CNTN4: variants seen among roughly 807,000 people sequenced by gnomAD.
The protein encoded by CNTN4 is contactin-4.
In CNTN4, 77 loss-of-function variants were observed where a neutral mutation model predicts 122.5. That is an observed-to-expected ratio of 0.63 (90% confidence interval 0.52 to 0.76). CNTN4 has a LOEUF of 0.76. CNTN4 is among the 30% of genes least tolerant of loss of function. CNTN4 has a pLI of 0.00. For missense variants in CNTN4, 1,256 were observed against 1,259.1 expected, an observed-to-expected ratio of 1.00 and a Z score of 0.04; for synonymous variants, 512 against 447.0, an observed-to-expected ratio of 1.15 and a Z score of -1.83.
At chr3:2,251,776 T>C (rs1353104174) in intron 2 of CNTN4, among the ~76,000 whole-genome samples, 1 of 151,914 alleles carries the variant, frequency 6.6e-6, no homozygotes, top group African/African-American at 2.4e-5. Flanking sequence ...TTTTTTTCTG[T>C]ACATTACACA....
In CNTN4 at chr3:2,830,673, T is replaced by A. The variant is rs2093085059; in HGVS notation, c.454+11092T>A. ...TCAACAACATGAATCTGGCTGAGCG[T>A]TTCATAAATAATCCAGTGGACATTC... is the stretch of plus-strand genomic sequence containing the variant. On this transcript the variant is annotated intron_variant, in intron 7 of 24. Coordinates refer to ENST00000418658, the MANE Select transcript of CNTN4 (RefSeq NM_175607.3). Among the ~76,000 whole-genome samples the A allele has an allele frequency of 2.0e-5, 3 of 152,146 alleles. No homozygotes were observed. In the South Asian group the frequency reaches 6.2e-4, roughly 32 times the overall value.
Position 2,469,721 on chromosome 3 carries a change from C to A in CNTN4, c.-88-101695C>A, listed in dbSNP as rs149152669. On this transcript the variant is annotated intron_variant, in intron 3 of 24. Transcript: ENST00000418658. ...TTGTGTCAGTACAAAAACAGGCCTT[C>A]CATTCTCTTGATCCATTGTTTCATA... 1.7e-3 allele frequency among the ~76,000 whole-genome samples: 255 copies of A among 152,278 alleles called. 1 individual carries two copies. Among genetic ancestry groups the A allele is most frequent in the African/African-American group, 5.8e-3 (239 of 41,556 alleles).
At chr3:2,882,112 C>A (rs1024284617) in intron 8 of CNTN4, among the ~76,000 whole-genome samples, 1 of 152,094 alleles carries the variant, frequency 6.6e-6, no homozygotes, top group Non-Finnish European at 1.5e-5. Context: ...CCTGTAATGC[C>A]AGCAATTTAG....
chr3:2,924,354 CT>C (rs2094454309), intron 12 of CNTN4, among the ~76,000 whole-genome samples: 1 of 151,972 alleles, frequency 6.6e-6, no homozygotes, highest in Admixed American at 6.6e-5. Flanking sequence ...TCAAGTTCTC[CT>C]TTAAGTAATT....
chr3:2,886,550 C>A (rs1238261528), intron 9 of CNTN4, among the ~76,000 whole-genome samples: 1 of 136,268 alleles, frequency 7.3e-6, no homozygotes, highest in African/African-American at 2.8e-5. Context: ...CTCGCTCTGT[C>A]GCCCAGGCTG....
At chr3:2,418,864 G>A (rs2047513880) in intron 3 of CNTN4, among the ~76,000 whole-genome samples, 2 of 152,154 alleles carry the variant, frequency 1.3e-5, no homozygotes, top group Non-Finnish European at 2.9e-5. Flanking sequence ...GTATTTAGAT[G>A]TTTGTATTTT....
At position 2,406,958 on chromosome 3, in the gene CNTN4, A is replaced by G. The variant is rs374281011; in HGVS notation, c.-89+67725A>G. ...TTTAACCCTTCTTAGTAGGAGATGAACTGAGAATGAGGAACTACAAATTTG... is the reference window on the plus strand; with the variant it reads ...TTTAACCCTTCTTAGTAGGAGATGAGCTGAGAATGAGGAACTACAAATTTG... On this transcript the variant is annotated intron_variant, in intron 3 of 24. Transcript: ENST00000418658. Among the ~76,000 whole-genome samples, 17 of 152,306 alleles carry G rather than the reference A, an allele frequency of 1.1e-4. No homozygotes were observed. The South Asian group carries it at 3.3e-3, about 30-fold the overall frequency.
intron 3 of CNTN4, among the ~76,000 whole-genome samples, chr3:2,393,087 C>G (rs910863626): frequency 6.6e-6 from 1 of 152,120 alleles, no homozygotes; most frequent in Admixed American, 6.6e-5. Context: ...AGCCACTGTT[C>G]CATCCTATTC....
intron 3 of CNTN4, among the ~76,000 whole-genome samples, chr3:2,460,062 G>T (rs1377042041): frequency 6.6e-6 from 1 of 152,034 alleles, no homozygotes; most frequent in Non-Finnish European, 1.5e-5. Flanking sequence ...TCTCTGGGCT[G>T]AGTTACGGTC....
chr3:2,772,904 A>T (rs2091164345), intron 6 of CNTN4, among the ~76,000 whole-genome samples: 1 of 152,164 alleles, frequency 6.6e-6, no homozygotes, highest in Non-Finnish European at 1.5e-5. Context: ...AAGAGGGAGG[A>T]AGAGAAGAGA....
chr3:3,028,168 C>A (rs1235461814), intron 15 of CNTN4, among the ~76,000 whole-genome samples: 3 of 152,136 alleles, frequency 2.0e-5, no homozygotes, highest in African/African-American at 7.2e-5. Context: ...TAGAGTTAAC[C>A]TATTGAGGTT....
At chr3:2,526,469 A>C (rs2077402171) in intron 3 of CNTN4, among the ~76,000 whole-genome samples, 1 of 152,138 alleles carries the variant, frequency 6.6e-6, no homozygotes, top group Admixed American at 6.6e-5. Flanking sequence ...TCAAAGTTGA[A>C]GTTTATGAAT....
chr3:2,623,859 G>T (rs970651455), intron 4 of CNTN4, among the ~76,000 whole-genome samples: 1 of 152,224 alleles, frequency 6.6e-6, no homozygotes, highest in East Asian at 1.9e-4. Context: ...GATACAGTAC[G>T]TCAGGGTTTC....
intron 12 of CNTN4, among the ~76,000 whole-genome samples, chr3:2,912,123 C>T (rs985785261): frequency 9.2e-5 from 14 of 152,142 alleles, no homozygotes; most frequent in African/African-American, 3.1e-4. Context: ...AAGAGATCTA[C>T]ACTGAGACAC....
At chr3:2,847,166 CA>C (rs11456371) in intron 7 of CNTN4, among the ~76,000 whole-genome samples, 84 of 144,078 alleles carry the variant, frequency 5.8e-4, no homozygotes, top group African/African-American at 3.6e-4. Context: ...GCAAATGTTG[CA>C]AAAAAAAAAA....
chr3:2,795,570 G>A (rs2092146915), intron 6 of CNTN4, among the ~76,000 whole-genome samples: 1 of 150,410 alleles, frequency 6.6e-6, no homozygotes, highest in Admixed American at 6.6e-5. Flanking sequence ...GCCCAGGCTG[G>A]AGTGCGGTGG....
intron 7 of CNTN4, among the ~76,000 whole-genome samples, chr3:2,839,253 T>G (rs2093299238): frequency 6.6e-6 from 1 of 152,230 alleles, no homozygotes; most frequent in Non-Finnish European, 1.5e-5. Context: ...ATTTTCCAAT[T>G]AATTGCTTTA....
chr3:3,040,409 C>A (rs544460596), intron 20 of CNTN4, 138 bp downstream of exon 20: 4 of 725,976 alleles, frequency 5.5e-6, no homozygotes, highest in African/African-American at 5.2e-5. Flanking sequence ...ATAATGTAAA[C>A]AATTTGGTTC....
At chr3:2,465,210 G>C (rs543269734) in intron 3 of CNTN4, among the ~76,000 whole-genome samples, 1 of 152,298 alleles carries the variant, frequency 6.6e-6, no homozygotes, top group African/African-American at 2.4e-5. Flanking sequence ...TTAGTAATCT[G>C]TGGGCATGAT....
Sources: allele counts gnomAD v4.1 joint callset (sites outside exome capture counted in the v4.1 genomes callset), GRCh38; gene constraint gnomAD v4.1.1; transcripts MANE v1.5; gene names NCBI Gene and HGNC (gene_info 2026-07-23, HGNC 2026-07-21).